GPHN: variants seen among roughly 807,000 people sequenced by gnomAD.
GPHN encodes gephyrin.
In GPHN, 17 loss-of-function variants were observed where a neutral mutation model predicts 95.5. The ratio of observed to expected loss-of-function variants is 0.18; its 90% confidence interval spans 0.12 to 0.27. The LOEUF (loss-of-function observed/expected upper bound fraction) is 0.27, where lower values mean the gene tolerates loss of function less well. Ranked by LOEUF, GPHN falls within the 10% of genes least tolerant of loss-of-function variation. The pLI is 1.00. For missense variants in GPHN, 660 were observed against 978.1 expected, an observed-to-expected ratio of 0.67 and a Z score of 4.34; for synonymous variants, 320 against 322.5, an observed-to-expected ratio of 0.99 and a Z score of 0.08.
chr14:67,372,672 A>G, the GPHN span, among the ~76,000 whole-genome samples: 1 of 152,062 alleles, frequency 6.6e-6, no homozygotes, highest in Admixed American at 6.5e-5. Context: ...CTACTAAAAT[A>G]TAAAAAATTA....
At chr14:66,833,239 T>C (rs1012161088) in intron 4 of GPHN, among the ~76,000 whole-genome samples, 1 of 152,180 alleles carries the variant, frequency 6.6e-6, no homozygotes, top group South Asian at 2.1e-4. Flanking sequence ...AAACACATCC[T>C]TCTTCACATG....
the GPHN span, among the ~76,000 whole-genome samples, chr14:67,195,445 C>A: frequency 6.5e-4 from 99 of 152,220 alleles, 1 homozygote; most frequent in East Asian, 0.015. Flanking sequence ...GTGGAAAGGG[C>A]CTTTCGCTAT....
chr14:66,680,266 GC>G (rs1187586823), intron 1 of GPHN, among the ~76,000 whole-genome samples: 41 of 152,084 alleles, frequency 2.7e-4, no homozygotes, highest in South Asian at 8.3e-4. Flanking sequence ...ATTTCCTCTG[GC>G]TCCCCACCCA....
At chr14:67,219,690 GC>G in the GPHN span, among the ~76,000 whole-genome samples, 2 of 152,000 alleles carry the variant, frequency 1.3e-5, no homozygotes. Context: ...TAAATAAATA[GC>G]AAAAATCATA....
chr14:67,527,726 A>G, the GPHN span, among the ~76,000 whole-genome samples: 1 of 152,196 alleles, frequency 6.6e-6, no homozygotes, highest in South Asian at 2.1e-4. Flanking sequence ...CCTTATCTCC[A>G]GGCTGAGGAT....
chr14:67,186,388 A>C (rs1200947051), downstream of GPHN, among the ~76,000 whole-genome samples: 1 of 152,224 alleles, frequency 6.6e-6, no homozygotes, highest in Admixed American at 6.5e-5. Flanking sequence ...AATCACACTA[A>C]GTATTTCAAC....
At chr14:66,832,909 A>T (rs75643550) in intron 4 of GPHN, among the ~76,000 whole-genome samples, 2,382 of 152,302 alleles carry the variant, frequency 0.016, 33 homozygotes, top group Non-Finnish European at 0.018. Flanking sequence ...AAGACCTTAA[A>T]GGTAGGAGTA....
intron 2 of GPHN, among the ~76,000 whole-genome samples, chr14:66,744,939 C>T (rs776675117): frequency 2.0e-5 from 3 of 151,986 alleles, no homozygotes; most frequent in East Asian, 1.9e-4. Flanking sequence ...AAGGAAGATT[C>T]GTCCCTGTGG....
At chr14:67,137,163 T>C (rs2080131786) in intron 17 of GPHN, among the ~76,000 whole-genome samples, 1 of 147,636 alleles carries the variant, frequency 6.8e-6, no homozygotes, top group Admixed American at 6.7e-5. Flanking sequence ...CTTTTTTTTT[T>C]GAGAAGGATT....
At chr14:67,610,501 G>A in the GPHN span, among the ~76,000 whole-genome samples, 4 of 152,138 alleles carry the variant, frequency 2.6e-5, no homozygotes, top group African/African-American at 9.7e-5. Flanking sequence ...AGCTGCTGTT[G>A]CTTCCTCTGT....
At chr14:66,803,686 CTT>C (rs2060441645) in intron 3 of GPHN, among the ~76,000 whole-genome samples, 1 of 151,872 alleles carries the variant, frequency 6.6e-6, no homozygotes, top group Admixed American at 6.6e-5. Flanking sequence ...TATTTTTCCT[CTT>C]TCTTTTTTCT....
the GPHN span, among the ~76,000 whole-genome samples, chr14:67,494,370 G>A: frequency 6.6e-6 from 1 of 152,194 alleles, no homozygotes; most frequent in Non-Finnish European, 1.5e-5. Flanking sequence ...GACCCAAAGA[G>A]GTTATGCAGC....
chr14:67,037,899 C>T (rs1039306883), intron 10 of GPHN, among the ~76,000 whole-genome samples: 1 of 151,750 alleles, frequency 6.6e-6, no homozygotes, highest in Non-Finnish European at 1.5e-5. Flanking sequence ...TATGGCGTTT[C>T]TTCAAAAAAT....
the GPHN span, among the ~76,000 whole-genome samples, chr14:67,542,476 C>G: frequency 1.3e-5 from 2 of 152,168 alleles, no homozygotes; most frequent in Non-Finnish European, 2.9e-5. Context: ...TGACCCTGGG[C>G]AAGTCCCTTC....
chr14:67,142,021 G>T (rs1282443464), intron 17 of GPHN, among the ~76,000 whole-genome samples: 1 of 152,158 alleles, frequency 6.6e-6, no homozygotes, highest in Admixed American at 6.5e-5. Context: ...TTTATGGAAG[G>T]ATACAAGGTT....
chr14:67,567,603 C>CCT, the GPHN span, among the ~76,000 whole-genome samples: 1 of 152,118 alleles, frequency 6.6e-6, no homozygotes, highest in Non-Finnish European at 1.5e-5. Context: ...CCTCACCGCC[C>CCT]CTCTGTCTCC....
At chr14:67,595,426 A>G in the GPHN span, among the ~76,000 whole-genome samples, 2 of 152,242 alleles carry the variant, frequency 1.3e-5, no homozygotes, top group Non-Finnish European at 2.9e-5. Context: ...GTGCAAAATC[A>G]TAGACTGAAC....
chr14:66,823,889 T>C (rs2061299051), intron 3 of GPHN, among the ~76,000 whole-genome samples: 1 of 152,256 alleles, frequency 6.6e-6, no homozygotes, highest in African/African-American at 2.4e-5. Context: ...TATATGATTA[T>C]AATTTAATGA....
At chr14:66,526,995 GA>G (rs1231026090) in intron 1 of GPHN, among the ~76,000 whole-genome samples, 1 of 152,184 alleles carries the variant, frequency 6.6e-6, no homozygotes, top group Non-Finnish European at 1.5e-5. Context: ...CTCATAAAAT[GA>G]GTTAGGGAGG....
Sources: gnomAD v4.1 joint callset for allele counts (sites outside exome capture counted in the v4.1 genomes callset) on GRCh38, gnomAD v4.1.1 for gene constraint, MANE v1.5 for transcripts, NCBI Gene and HGNC (gene_info 2026-07-23, HGNC 2026-07-21) for gene names.